The following PDE1A variants were observed in gnomAD, a reference collection of about 807,000 sequenced individuals.
PDE1A encodes the protein dual specificity calcium/calmodulin-dependent 3',5'-cyclic nucleotide phosphodiesterase 1A.
PDE1A carries 35 observed loss-of-function variants against 61.7 expected under a neutral mutation model. The ratio of observed to expected loss-of-function variants is 0.57; its 90% CI spans 0.43 to 0.75. The LOEUF (loss-of-function observed/expected upper bound fraction) is 0.75, where lower values mean the gene tolerates loss of function less well. PDE1A is among the 30% of genes least tolerant of loss of function. PDE1A has a pLI of 0.00. For synonymous variants in PDE1A, 232 were observed against 213.2 expected (o/e 1.09, Z -0.77); for missense variants, 597 against 630.6 (o/e 0.95, Z 0.57).
At chr2:182,618,516 A>G in the PDE1A span, among the ~76,000 whole-genome samples, 1 of 150,972 alleles carries the variant, frequency 6.6e-6, no homozygotes, top group African/African-American at 2.4e-5. Context: ...TCAAAGAACA[A>G]TAAGGCTGAA....
intron 1 of PDE1A, among the ~76,000 whole-genome samples, chr2:182,280,744 T>C (rs2125849494): frequency 6.6e-6 from 1 of 151,996 alleles, no homozygotes; most frequent in African/African-American, 2.4e-5. Flanking sequence ...TATAAATTTT[T>C]ATTTTCAATT....
At chr2:182,639,366 G>A in the PDE1A span, among the ~76,000 whole-genome samples, 2 of 152,026 alleles carry the variant, frequency 1.3e-5, no homozygotes, top group African/African-American at 2.4e-5. Context: ...CCAGGAGTTC[G>A]AGACCAGCCT....
At chr2:182,173,213 C>A (rs549369762) in intron 13 of PDE1A, among the ~76,000 whole-genome samples, 4 of 152,072 alleles carry the variant, frequency 2.6e-5, no homozygotes, top group Non-Finnish European at 5.9e-5. Flanking sequence ...CCTCTGTGAA[C>A]TGGAGAAAGG....
intron 13 of PDE1A, among the ~76,000 whole-genome samples, chr2:182,151,262 G>GT (rs1385259858): frequency 3.3e-5 from 5 of 151,942 alleles, no homozygotes. Context: ...TAATTTTTTT[G>GT]TTTTTTGTTT....
At chr2:182,470,028 T>C (rs1436898476) in intron 2 of PDE1A, among the ~76,000 whole-genome samples, 2 of 151,612 alleles carry the variant, frequency 1.3e-5, no homozygotes, top group East Asian at 1.9e-4. Flanking sequence ...ATAATAATAA[T>C]GGAAAAGTTT....
chr2:182,600,600 A>C, the PDE1A span, among the ~76,000 whole-genome samples: 1 of 152,246 alleles, frequency 6.6e-6, no homozygotes, highest in African/African-American at 2.4e-5. Flanking sequence ...AAAATGAAGA[A>C]ACAAAATCAG....
chr2:182,290,684 C>T (rs1364093112), intron 1 of PDE1A, among the ~76,000 whole-genome samples: 1 of 151,888 alleles, frequency 6.6e-6, no homozygotes, highest in African/African-American at 2.4e-5. Context: ...TTTTTTAGAG[C>T]CTTTTACTGT....
At chr2:182,438,276 C>G (rs1384288636) in intron 2 of PDE1A, among the ~76,000 whole-genome samples, 1 of 151,782 alleles carries the variant, frequency 6.6e-6, no homozygotes, top group Admixed American at 6.6e-5. Context: ...AGTTATTTAG[C>G]CAATACACAA....
chr2:182,155,850 C>G (rs1691051761), intron 13 of PDE1A, among the ~76,000 whole-genome samples: 1 of 152,190 alleles, frequency 6.6e-6, no homozygotes, highest in African/African-American at 2.4e-5. Context: ...GAGATTGCAC[C>G]ATTGCACTCC....
intron 1 of PDE1A, among the ~76,000 whole-genome samples, chr2:182,348,871 C>T (rs140483311): frequency 4.3e-4 from 65 of 151,852 alleles, no homozygotes; most frequent in South Asian, 1.9e-3. Flanking sequence ...TTGAGCTAGA[C>T]GGTTTTGTCT....
intron 2 of PDE1A, among the ~76,000 whole-genome samples, chr2:182,445,876 T>C (rs1685097942): frequency 6.6e-6 from 1 of 152,110 alleles, no homozygotes; most frequent in African/African-American, 2.4e-5. Flanking sequence ...TAAAATTATT[T>C]TTCATGATAC....
At chr2:182,448,620 A>T (rs906143495) in intron 2 of PDE1A, among the ~76,000 whole-genome samples, 1 of 152,096 alleles carries the variant, frequency 6.6e-6, no homozygotes, top group Non-Finnish European at 1.5e-5. Flanking sequence ...ATATCCAAAA[A>T]AACTATCACC....
intron 1 of PDE1A, among the ~76,000 whole-genome samples, chr2:182,410,892 A>G (rs1018823381): frequency 6.6e-6 from 1 of 152,154 alleles, no homozygotes; most frequent in Admixed American, 6.5e-5. Flanking sequence ...TGTCACTCTA[A>G]TATCACCATC....
At chr2:182,587,765 A>T in the PDE1A span, among the ~76,000 whole-genome samples, 1 of 152,174 alleles carries the variant, frequency 6.6e-6, no homozygotes, top group Admixed American at 6.5e-5. Context: ...AGCCACAATA[A>T]CTCAATTTTT....
At chr2:182,178,886 C>A (rs1244033044) in intron 13 of PDE1A, among the ~76,000 whole-genome samples, 2 of 151,972 alleles carry the variant, frequency 1.3e-5, no homozygotes, top group African/African-American at 4.8e-5. Flanking sequence ...GTGATACCAG[C>A]CAAAAACCAA....
chr2:182,550,786 T>C, the PDE1A span, among the ~76,000 whole-genome samples: 2 of 152,202 alleles, frequency 1.3e-5, no homozygotes, highest in Non-Finnish European at 2.9e-5. Context: ...TGTTTCCATC[T>C]TGTGGTTCCG....
At chr2:182,540,384 AAGCAGCAGC>A in the PDE1A span, among the ~76,000 whole-genome samples, 2,170 of 77,300 alleles carry the variant, frequency 0.028, 50 homozygotes, top group African/African-American at 0.077. Context: ...AAAAAAAAAA[AAGCAGCAGC>A]AGCAGCAGCA....
At chr2:182,674,966 T>C in the PDE1A span, among the ~76,000 whole-genome samples, 1 of 152,152 alleles carries the variant, frequency 6.6e-6, no homozygotes, top group African/African-American at 2.4e-5. Flanking sequence ...ATTTAACTTT[T>C]ATTTTAGGCT....
At chr2:182,710,589 G>C in the PDE1A span, among the ~76,000 whole-genome samples, 2 of 152,188 alleles carry the variant, frequency 1.3e-5, no homozygotes, top group Non-Finnish European at 2.9e-5. Context: ...CTACAGATAA[G>C]TAAGATTATA....
Sources: allele counts gnomAD v4.1 joint callset (sites outside exome capture counted in the v4.1 genomes callset), GRCh38; gene constraint gnomAD v4.1.1; transcripts MANE v1.5; gene names NCBI Gene and HGNC (gene_info 2026-07-23, HGNC 2026-07-21).